Variants in RPS6KA6 observed in about 807,000 individuals in gnomAD.
The protein encoded by RPS6KA6 is ribosomal protein S6 kinase alpha-6.
RPS6KA6 carries 27 observed loss-of-function variants against 65.4 expected under a neutral mutation model. That is an observed-to-expected ratio of 0.41 (90% CI 0.30 to 0.57). The LOEUF (loss-of-function observed/expected upper bound fraction) is 0.57, where lower values mean the gene tolerates loss of function less well. RPS6KA6 is among the 20% of genes least tolerant of loss of function. The pLI, the probability that RPS6KA6 is intolerant of heterozygous loss-of-function variation, is 0.24. For synonymous variants in RPS6KA6, 190 were observed against 184.2 expected (o/e 1.03, Z -0.26); for missense variants, 486 against 555.6 (o/e 0.87, Z 1.26).
rs2033319820 is a variant in RPS6KA6, at chrX:84,062,663, CAG to C, written c.*1612_*1613del. 1 of 111,307 alleles carries C rather than the reference CAG, an allele frequency of 9.0e-6. No individual in the cohort carries two copies. The highest frequency in any genetic ancestry group is 3.7e-4 in the South Asian group (1 of 2,673). The allele number at this position is 111,307 out of a possible 1,213,427, so 9.2% of individuals were successfully genotyped here. A position where few individuals can be genotyped will look rare whatever the true frequency, so the allele number is the denominator to read the frequency against. ...ACTTTAATATATCACACCCAGGAAA[CAG>C]ATATTTGTGCATGGGGTATAGATTA... is the stretch of plus-strand genomic sequence containing the variant. On this transcript the variant is annotated 3_prime_UTR_variant, in exon 22 of 22. Coordinates refer to ENST00000262752, the MANE Select transcript of RPS6KA6 (RefSeq NM_014496.5).
At chrX:84,107,836 T>C in intron 12 of RPS6KA6, 111 bp from the exon 13 acceptor site, 1 of 348,589 alleles carries the variant, frequency 2.9e-6, no homozygotes, top group Admixed American at 5.8e-5. Context: ...AGACTAACAA[T>C]TTCATAGTTT....
At position 84,068,308 on chromosome X, in the gene RPS6KA6, A is replaced by G. The variant is rs545954014; in HGVS notation, c.1972-3197T>C. The stretch of plus-strand genomic sequence containing the variant: ...TAAATGGGCTAAATGCTTTCCATAA[A>G]CAGAACCAATGACAAAAACCACGAT... On this transcript the variant is annotated intron_variant, in intron 20 of 21. Coordinates refer to ENST00000262752, the MANE Select transcript of RPS6KA6 (RefSeq NM_014496.5). Among the ~76,000 whole-genome samples the G allele has an allele frequency of 2.1e-4, 24 of 112,605 alleles. No individual in the cohort carries two copies. In the South Asian group the frequency reaches 8.8e-3, roughly 41 times the overall value.
intron 16 of RPS6KA6, 86 bp from the exon 17 acceptor site, chrX:84,104,743 T>G (rs2034323783): frequency 3.5e-6 from 2 of 578,487 alleles, no homozygotes; most frequent in Non-Finnish European, 5.0e-6. Flanking sequence ...TATTTACCTT[T>G]CTACTAGACT....
Position 84,187,826 on chromosome X carries a change from C to T in RPS6KA6, c.74G>A (p.Ser25Asn). The change falls in exon 1 of 22, where the codon AGC becomes AAC. Residue 25 changes from serine (S) to asparagine (N), a missense_variant. By Grantham distance (46) the Ser-to-Asn change is conservative (BLOSUM62 1). Transcript: ENST00000262752. ...MEVFSGGGAS[S>N]GEVNGLKMVD... ...CTTGGCCACCACACTAACCTCGCCG[C>T]TGCTCGCGCCGCCGCCGCTGAACAC... The T allele has an allele frequency of 8.3e-7, 1 of 1,205,136 alleles. No homozygotes were observed. The highest frequency in any genetic ancestry group is 1.1e-6 in the Non-Finnish European group (1 of 892,410).
chrX:84,127,800 T>C (rs1434692503), intron 8 of RPS6KA6, among the ~76,000 whole-genome samples: 2 of 107,307 alleles, frequency 1.9e-5, no homozygotes, highest in African/African-American at 3.4e-5. Flanking sequence ...CCTCAGAAAA[T>C]TGGGTATAGA....
In RPS6KA6 at chrX:84,148,100, G is replaced by A. The variant is rs2275785; in HGVS notation, c.282C>T (p.Thr94=). The change falls in exon 4 of 22, where the codon ACC becomes ACT. Residue 94 remains threonine (T), a synonymous_variant. Coordinates refer to ENST00000262752, the MANE Select transcript of RPS6KA6 (RefSeq NM_014496.5). ...CATAGAGCTGCCCAGCATCAGGACC[G>A]GTCTTCTTTCTAACAAGAAAAACCT... ...FGKVFLVRKK[T]GPDAGQLYAM... The A allele has an allele frequency of 6.0e-6, 7 of 1,172,372 alleles. No individual in the cohort carries two copies. The highest frequency in any genetic ancestry group is 3.0e-5 in the East Asian group (1 of 33,216).
At chrX:84,065,208 C>G (rs17313882) in intron 20 of RPS6KA6, 97 bp from the exon 21 acceptor site, 35,898 of 538,943 alleles carry the variant, frequency 0.067, 1,306 homozygotes, top group East Asian at 0.25. Flanking sequence ...GCCTTGCAAT[C>G]TGTTTATTTC....
At chrX:84,123,679 A>T (rs2034721193) in intron 8 of RPS6KA6, among the ~76,000 whole-genome samples, 1 of 111,875 alleles carries the variant, frequency 8.9e-6, no homozygotes, top group Non-Finnish European at 1.9e-5. Flanking sequence ...GTAGAATAGA[A>T]CTTCAGGTAA....
chrX:84,169,968 C>T (rs1003098777), intron 1 of RPS6KA6, among the ~76,000 whole-genome samples: 2 of 109,631 alleles, frequency 1.8e-5, no homozygotes, highest in East Asian at 2.9e-4. Flanking sequence ...ATCAGGAGCT[C>T]GAGATCAGTC....
intron 2 of RPS6KA6, among the ~76,000 whole-genome samples, chrX:84,156,394 A>G (rs2035417031): frequency 9.0e-6 from 1 of 110,931 alleles, no homozygotes; most frequent in Admixed American, 9.7e-5. Flanking sequence ...CTACTACATA[A>G]TTTCATGTAA....
intron 6 of RPS6KA6, among the ~76,000 whole-genome samples, chrX:84,135,635 T>G (rs1203737809): frequency 9.0e-6 from 1 of 111,393 alleles, no homozygotes; most frequent in Non-Finnish European, 1.9e-5. Flanking sequence ...ATTCCACTAT[T>G]TATACCATTC....
Position 84,061,199 on chromosome X carries a change from TG to T in RPS6KA6, c.*3077del, listed in dbSNP as rs1346113815. 3 of 112,417 alleles carry T rather than the reference TG, an allele frequency of 2.7e-5. No homozygotes were observed. The highest frequency in any genetic ancestry group is 5.6e-5 in the Non-Finnish European group (3 of 53,182). 9.3% of individuals were successfully genotyped at this position (112,417 alleles called of 1,213,427 possible). On this transcript the variant is annotated 3_prime_UTR_variant, in exon 22 of 22. Transcript: ENST00000262752. ...TTGTGGGCCTTAGGGCCAAGATAAA[TG>T]GTTGTTTTCCTTCTTCATATATGAA...
chrX:84,155,843 C>T (rs1014215392), intron 3 of RPS6KA6, among the ~76,000 whole-genome samples: 1 of 111,933 alleles, frequency 8.9e-6, no homozygotes, highest in Admixed American at 9.5e-5. Flanking sequence ...ATTTTTCCCT[C>T]AAGAAATCAG....
chrX:84,158,189 CA>C (rs1012827830), intron 2 of RPS6KA6, among the ~76,000 whole-genome samples: 2 of 110,164 alleles, frequency 1.8e-5, no homozygotes, highest in African/African-American at 6.6e-5. Flanking sequence ...ATAAAAGAAA[CA>C]GGAAAAAATA....
At chrX:84,177,425 C>T (rs1030364320) in intron 1 of RPS6KA6, among the ~76,000 whole-genome samples, 1 of 111,528 alleles carries the variant, frequency 9.0e-6, no homozygotes, top group Non-Finnish European at 1.9e-5. Context: ...AAGTAAACTA[C>T]AGAGAAGTAA....
intron 20 of RPS6KA6, among the ~76,000 whole-genome samples, chrX:84,087,253 G>T (rs1051774640): frequency 9.0e-6 from 1 of 111,472 alleles, no homozygotes; most frequent in Non-Finnish European, 1.9e-5. Flanking sequence ...TAATGTAACT[G>T]GTCTGTGTAC....
At position 84,106,475 on chromosome X, in the gene RPS6KA6, C is replaced by T. The variant is rs1290016021; in HGVS notation, c.1255G>A (p.Ala419Thr). ...TCATATACTTCACCAAATTGTGCAG[C>T]ATTTCCATTTATCTGTTTATTTTTA... ...VLPIVQINGN[A>T]AQFGEVYELK... Residue 419 changes from alanine (A) to threonine (T), a missense_variant, in exon 15 of 22, where the codon GCT becomes ACT. Ala to Thr is a moderately conservative substitution (Grantham distance 58). This residue lies in a region of RPS6KA6 where 345 missense variants were observed against 375.0 expected (regional missense o/e 0.92). Transcript: ENST00000262752. The T allele has an allele frequency of 8.8e-7, 1 of 1,130,492 alleles. No individual in the cohort carries two copies. The highest frequency in any genetic ancestry group is 1.2e-6 in the Non-Finnish European group (1 of 833,841). 93.2% of individuals were successfully genotyped at this position (1,130,492 alleles called of 1,213,427 possible).
chrX:84,111,448 C>T (rs977155445), intron 12 of RPS6KA6, among the ~76,000 whole-genome samples: 2 of 111,336 alleles, frequency 1.8e-5, no homozygotes, highest in Non-Finnish European at 3.8e-5. Context: ...AGAAAAGCAT[C>T]AAATCACCAA....
At chrX:84,152,794 T>C (rs969563256) in intron 3 of RPS6KA6, among the ~76,000 whole-genome samples, 2 of 111,509 alleles carry the variant, frequency 1.8e-5, no homozygotes, top group East Asian at 2.8e-4. Context: ...AAAGTTAATA[T>C]GTTAAAGTCC....
Sources: gnomAD v4.1 joint callset for allele counts (sites outside exome capture counted in the v4.1 genomes callset) on GRCh38, gnomAD v4.1.1 for gene constraint, gnomAD v4.1.1 regional missense constraint, MANE v1.5 for transcripts, NCBI Gene and HGNC (gene_info 2026-07-23, HGNC 2026-07-21) for gene names.